The following FGGY variants were observed in gnomAD, a reference collection of about 807,000 sequenced individuals.
The protein encoded by FGGY is FGGY carbohydrate kinase domain containing.
A neutral mutation model predicts 71.3 loss-of-function variants in FGGY; 72 were observed. The observed-to-expected ratio is 1.01, with a 90% CI of 0.84 to 1.23. The LOEUF (loss-of-function observed/expected upper bound fraction) is 1.23. FGGY is among the 50% of genes most tolerant of loss of function. The pLI is 0.00. For missense variants in FGGY, 668 were observed against 682.3 expected, an observed-to-expected ratio of 0.98 and a Z score of 0.23; for synonymous variants, 251 against 250.3, an observed-to-expected ratio of 1.00 and a Z score of -0.02.
At chr1:59,750,963 C>G (rs1224519019) in intron 14 of FGGY, among the ~76,000 whole-genome samples, 2 of 151,636 alleles carry the variant, frequency 1.3e-5, no homozygotes, top group Admixed American at 1.3e-4. Context: ...TACACACGTG[C>G]TCGTCTCACT....
chr1:59,711,350 C>T (rs189166626), intron 14 of FGGY, among the ~76,000 whole-genome samples: 133 of 152,064 alleles, frequency 8.7e-4, no homozygotes, highest in African/African-American at 1.3e-3. Flanking sequence ...GACAACGGGT[C>T]GGTGGGTACA....
intron 2 of FGGY, among the ~76,000 whole-genome samples, chr1:59,325,230 G>A (rs758581041): frequency 1.2e-4 from 19 of 152,086 alleles, no homozygotes; most frequent in South Asian, 4.2e-4. Flanking sequence ...GGTGGCGGGC[G>A]CCTGTAGTCC....
intron 5 of FGGY, among the ~76,000 whole-genome samples, chr1:59,401,089 A>G (rs976982932): frequency 3.9e-5 from 6 of 152,182 alleles, no homozygotes; most frequent in African/African-American, 9.7e-5. Context: ...AAAATATACA[A>G]TGTTCTTCGT....
At chr1:59,547,306 G>A (rs139686184) in intron 7 of FGGY, among the ~76,000 whole-genome samples, 189 of 152,078 alleles carry the variant, frequency 1.2e-3, no homozygotes, top group African/African-American at 4.4e-3. Context: ...TAACCCTTTG[G>A]GTTTGCTTTA....
chr1:59,731,689 A>T lies in FGGY; in HGVS notation c.1513-26242A>T, dbSNP rs1269091253. ...TATCTACCTGTAAGTTGTTAGTGACAGTCTGGTCATTCCTCCAGCATACCT... is the reference window on the plus strand; with the variant it reads ...TATCTACCTGTAAGTTGTTAGTGACTGTCTGGTCATTCCTCCAGCATACCT... On this transcript the variant is annotated intron_variant, in intron 14 of 15. Transcript: ENST00000303721. Among the ~76,000 whole-genome samples, 11 of 152,252 alleles carry T rather than the reference A, an allele frequency of 7.2e-5. No homozygotes were observed. In the East Asian group the frequency reaches 1.9e-3, roughly 27 times the overall value.
chr1:59,369,287 C>T (rs140867077), intron 4 of FGGY, among the ~76,000 whole-genome samples: 3,681 of 152,260 alleles, frequency 0.024, 163 homozygotes, highest in African/African-American at 0.085. Context: ...GAGGGTCGTA[C>T]GCCCACGGAG....
intron 7 of FGGY, among the ~76,000 whole-genome samples, chr1:59,530,209 T>C (rs1193807761): frequency 6.6e-6 from 1 of 152,124 alleles, no homozygotes; most frequent in African/African-American, 2.4e-5. Flanking sequence ...ACACTTGCCA[T>C]AGAGTGCACA....
At chr1:59,723,711 C>A (rs2097916647) in intron 14 of FGGY, among the ~76,000 whole-genome samples, 1 of 152,156 alleles carries the variant, frequency 6.6e-6, no homozygotes, top group Admixed American at 6.5e-5. Flanking sequence ...TTTTGACATA[C>A]TACATTCCAT....
intron 6 of FGGY, among the ~76,000 whole-genome samples, chr1:59,471,411 T>C (rs992015491): frequency 1.3e-5 from 2 of 152,178 alleles, no homozygotes; most frequent in African/African-American, 4.8e-5. Context: ...TGGAGTAATA[T>C]AGAGGCCATC....
chr1:59,755,548 C>T (rs116776405), intron 14 of FGGY: 2 of 152,270 alleles, frequency 1.3e-5, no homozygotes, highest in African/African-American at 2.4e-5. Context: ...AGAGCTGATA[C>T]CTGAGCTAAG....
At chr1:59,720,535 T>A (rs1291586821) in intron 14 of FGGY, among the ~76,000 whole-genome samples, 4 of 152,388 alleles carry the variant, frequency 2.6e-5, no homozygotes, top group Middle Eastern at 6.8e-3. Context: ...TATGTATATA[T>A]TAAATTATGT....
At chr1:59,448,377 G>A (rs1376660825) in intron 5 of FGGY, among the ~76,000 whole-genome samples, 2 of 152,112 alleles carry the variant, frequency 1.3e-5, no homozygotes, top group African/African-American at 2.4e-5. Context: ...TTGTGTCTTG[G>A]GCAGTAGGTG....
At chr1:59,491,382 C>T (rs1188263828) in intron 6 of FGGY, among the ~76,000 whole-genome samples, 1 of 151,440 alleles carries the variant, frequency 6.6e-6, no homozygotes, top group African/African-American at 2.4e-5. Flanking sequence ...TTATTTTTAT[C>T]CTCTTTAGTT....
At chr1:59,719,811 A>T (rs928094886) in intron 14 of FGGY, among the ~76,000 whole-genome samples, 7 of 152,200 alleles carry the variant, frequency 4.6e-5, no homozygotes, top group Non-Finnish European at 8.8e-5. Flanking sequence ...AGAAATTATA[A>T]TTGTCATTTT....
At chr1:59,422,975 A>G (rs924511244) in intron 5 of FGGY, among the ~76,000 whole-genome samples, 2 of 152,216 alleles carry the variant, frequency 1.3e-5, no homozygotes, top group Non-Finnish European at 2.9e-5. Flanking sequence ...CTAGAGTCAC[A>G]TAGTAAACAC....
intron 14 of FGGY, among the ~76,000 whole-genome samples, chr1:59,716,984 T>C (rs1188617462): frequency 6.6e-6 from 1 of 152,070 alleles, no homozygotes; most frequent in African/African-American, 2.4e-5. Flanking sequence ...GGTACCTGGG[T>C]TTCAGAATAA....
intron 6 of FGGY, among the ~76,000 whole-genome samples, chr1:59,505,891 G>A (rs1170926438): frequency 2.6e-5 from 4 of 152,028 alleles, no homozygotes; most frequent in African/African-American, 7.2e-5. Flanking sequence ...TGTAATAGGA[G>A]CCCCCGCCTG....
chr1:59,682,304 T>A (rs2097508287), intron 14 of FGGY, among the ~76,000 whole-genome samples: 1 of 151,980 alleles, frequency 6.6e-6, no homozygotes, highest in Non-Finnish European at 1.5e-5. Context: ...ACCATTACTT[T>A]AAAAACTAGT....
chr1:59,458,384 T>A (rs1261442405), intron 6 of FGGY, among the ~76,000 whole-genome samples: 2 of 152,134 alleles, frequency 1.3e-5, no homozygotes, highest in Non-Finnish European at 2.9e-5. Context: ...ACTTTTTGAT[T>A]AAAATATTGA....
Sources: allele counts gnomAD v4.1 joint callset (sites outside exome capture counted in the v4.1 genomes callset), GRCh38; gene constraint gnomAD v4.1.1; transcripts MANE v1.5; gene names NCBI Gene and HGNC (gene_info 2026-07-23, HGNC 2026-07-21).